The following MPHOSPH8 variants were observed in gnomAD, a reference collection of about 807,000 sequenced individuals.
MPHOSPH8 encodes the protein M-phase phosphoprotein 8.
A neutral mutation model predicts 87.3 loss-of-function variants in MPHOSPH8; 45 were observed. The ratio of observed to expected loss-of-function variants is 0.52; its 90% CI spans 0.41 to 0.66. The LOEUF is 0.66. Ranked by LOEUF, MPHOSPH8 falls within the 30% of genes least tolerant of loss-of-function variation. The pLI is 0.00. For missense variants in MPHOSPH8, 883 were observed against 1,020.2 expected (o/e 0.87, Z 1.83); for synonymous variants, 366 against 376.9 (o/e 0.97, Z 0.33).
chr13:19,655,613 G>C lies in MPHOSPH8; in HGVS notation c.1577-3382G>C, dbSNP rs1219439622. On this transcript the variant is annotated intron_variant, in intron 5 of 13. Coordinates refer to ENST00000361479, the MANE Select transcript of MPHOSPH8 (RefSeq NM_017520.4). ...TTCCCAGGCTGGTCTTGAACTCCTG[G>C]GTTCCAGTGATCCACTTGCCTCAGC... Among the ~76,000 whole-genome samples the C allele has an allele frequency of 3.3e-5, 5 of 152,234 alleles. No homozygotes were observed. In the East Asian group the frequency reaches 9.7e-4, roughly 29 times the overall value.
chr13:19,636,389 A>G (rs1303037616), intron 1 of MPHOSPH8, among the ~76,000 whole-genome samples: 1 of 152,254 alleles, frequency 6.6e-6, no homozygotes, highest in African/African-American at 2.4e-5. Context: ...AGAACTGTGG[A>G]AATACATACA....
chr13:19,633,908 G>A lies in MPHOSPH8; in HGVS notation c.160G>A (p.Asp54Asn). The change falls in exon 1 of 14, where the codon GAC becomes AAC. Residue 54 changes from aspartate to asparagine, a missense_variant. Physicochemically the swap from Asp to Asn is conservative, Grantham distance 23. Coordinates refer to ENST00000361479, the MANE Select transcript of MPHOSPH8 (RefSeq NM_017520.4). ...GGAGGCCTTTGGCGACAGTGAGGAG[G>A]ACGGAGAGGATGTGTTCGAGGTGGA... ...GAEAFGDSEE[D>N]GEDVFEVEKI... The A allele has an allele frequency of 6.2e-7, 1 of 1,611,790 alleles. No individual in the cohort carries two copies. The highest frequency in any genetic ancestry group is 1.3e-5 in the African/African-American group (1 of 75,048).
rs1287457517 is a variant in MPHOSPH8 at position 19,641,319 on chromosome 13, TA to T, written c.214-794del. On this transcript the variant is annotated intron_variant, in intron 1 of 13. Transcript: ENST00000361479. ...ACAGTTACATGCCACTGTGCCCAGC[TA>T]ATTTTTTTTTTTTTTTTTTTGAGAT... 7.2e-3 allele frequency among the ~76,000 whole-genome samples: 557 copies of T among 77,136 alleles called. 8 individuals carry two copies. The highest frequency in any genetic ancestry group is 0.026 in the African/African-American group (533 of 20,550). 50.6% of individuals were successfully genotyped at this position (77,136 alleles called of 152,430 possible).
chr13:19,642,610 A>G (rs774015118), intron 2 of MPHOSPH8, among the ~76,000 whole-genome samples: 1 of 151,854 alleles, frequency 6.6e-6, no homozygotes, highest in African/African-American at 2.4e-5. Flanking sequence ...TTGTATATTT[A>G]TTCTGCATTA....
At chr13:19,669,448 A>C (rs553033146) in intron 11 of MPHOSPH8, among the ~76,000 whole-genome samples, 3 of 151,298 alleles carry the variant, frequency 2.0e-5, no homozygotes, top group Non-Finnish European at 4.4e-5. Context: ...CTGAGCCCCC[A>C]CTGACACCTA....
chr13:19,635,268 T>TC (rs200737168), intron 1 of MPHOSPH8, among the ~76,000 whole-genome samples: 2,549 of 152,294 alleles, frequency 0.017, 67 homozygotes, highest in African/African-American at 0.057. Context: ...ATACCTGTAA[T>TC]CTAGCACTTT....
rs374639108 is a variant in MPHOSPH8 at position 19,641,561 on chromosome 13, T to C, written c.214-554T>C. ...GCTGGAGTGCAATGGCGTGTGATCT[T>C]GGCTCACTGCAACCTCTGCCTTCTG... is the stretch of plus-strand genomic sequence containing the variant. On this transcript the variant is annotated intron_variant, in intron 1 of 13. Transcript: ENST00000361479. 2.1e-4 allele frequency among the ~76,000 whole-genome samples: 31 copies of C among 147,008 alleles called. No individual in the cohort carries two copies. In the East Asian group the frequency reaches 5.2e-3, roughly 25 times the overall value.
At chr13:19,647,555 C>A (rs1874633458) in intron 3 of MPHOSPH8, among the ~76,000 whole-genome samples, 1 of 152,142 alleles carries the variant, frequency 6.6e-6, no homozygotes, top group African/African-American at 2.4e-5. Context: ...ATATATGGAG[C>A]ATTGTATACT....
chr13:19,664,621 G>C (rs991719208), intron 9 of MPHOSPH8, among the ~76,000 whole-genome samples: 1 of 152,230 alleles, frequency 6.6e-6, no homozygotes, highest in Non-Finnish European at 1.5e-5. Context: ...TGAAATAACA[G>C]AAGTCTGTAC....
In MPHOSPH8 at chr13:19,666,441, AT is replaced by A; in HGVS notation, c.2038del (p.Ser680GlnfsTer7). 1 of 1,608,538 alleles carries A rather than the reference AT, an allele frequency of 6.2e-7. No homozygotes were observed. Among genetic ancestry groups the A allele is most frequent in the Non-Finnish European group, 8.5e-7 (1 of 1,175,428 alleles). ...CTGACGTAGGCCTGTAAAAGAGGAA[AT>A]TCAGACATCGTACGACTCGTAATTG... ...TALMKACKRG[N>X]SDIVRLVIEC... On this transcript the variant is annotated frameshift_variant, in exon 10 of 14. Transcript: ENST00000361479. LOFTEE classifies it high-confidence loss of function.
At chr13:19,646,385 T>A (rs1874563156) in intron 2 of MPHOSPH8, 58 bp from the exon 3 acceptor site, 12 of 1,302,172 alleles carry the variant, frequency 9.2e-6, no homozygotes, top group Non-Finnish European at 1.2e-5. Context: ...GTACTACTTT[T>A]CAAAACCTTT....
At chr13:19,639,338 T>A (rs921245688) in intron 1 of MPHOSPH8, among the ~76,000 whole-genome samples, 2 of 151,300 alleles carry the variant, frequency 1.3e-5, no homozygotes, top group African/African-American at 4.9e-5. Context: ...TGAGATGGAA[T>A]CTTGCTCTGT....
intron 2 of MPHOSPH8, among the ~76,000 whole-genome samples, chr13:19,642,750 A>G (rs1026111109): frequency 6.6e-6 from 1 of 151,958 alleles, no homozygotes; most frequent in Admixed American, 6.6e-5. Context: ...AATGATTCTC[A>G]TGATTTTATA....
intron 8 of MPHOSPH8, 142 bp from the exon 9 acceptor site, chr13:19,662,898 C>T (rs1029195273): frequency 1.7e-5 from 12 of 702,946 alleles, no homozygotes; most frequent in Non-Finnish European, 2.9e-5. Context: ...ACCCCCGTGG[C>T]CCCACGGGAA....
At chr13:19,666,682 C>A in intron 10 of MPHOSPH8, 103 bp downstream of exon 10, 1 of 1,008,804 alleles carries the variant, frequency 9.9e-7, no homozygotes, top group Non-Finnish European at 1.4e-6. Flanking sequence ...CTCAGAAAAA[C>A]ATCCAGCACA....
Position 19,647,230 on chromosome 13 carries a change from C to G in MPHOSPH8, c.1157C>G (p.Pro386Arg). ...CTGATGCCTGTATCTGCCCAAACGC[C>G]AAAGGGCCGGAGGTTGAGCGGGGAA... ...EKLMPVSAQT[P>R]KGRRLSGEER... The change falls in exon 3 of 14, where the codon CCA (proline) becomes CGA (arginine). Residue 386 changes from proline to arginine, a missense_variant. Physicochemically the swap from Pro to Arg is moderately radical, Grantham distance 103. Around this residue, in one of 3 missense-constraint regions of MPHOSPH8, gnomAD observed 741 missense variants for 841.5 expected, o/e 0.88. Transcript: ENST00000361479. 6.2e-7 allele frequency: 1 copy of G among 1,614,008 alleles called. No homozygotes were observed. The highest frequency in any genetic ancestry group is 8.5e-7 in the Non-Finnish European group (1 of 1,179,990).
intron 1 of MPHOSPH8, among the ~76,000 whole-genome samples, chr13:19,638,100 C>CA (rs56291104): frequency 0.13 from 17,554 of 132,102 alleles, 1,144 homozygotes; most frequent in Middle Eastern, 0.24. Flanking sequence ...GACTCCATCT[C>CA]AAAAAAAAAA....
At chr13:19,659,163 G>T (rs1471747181) in intron 6 of MPHOSPH8, 38 bp from the exon 7 acceptor site, 1 of 1,609,918 alleles carries the variant, frequency 6.2e-7, no homozygotes, top group Middle Eastern at 1.7e-4. Flanking sequence ...CACAAATCTA[G>T]ATTTATAAAA....
At position 19,640,873 on chromosome 13, in the gene MPHOSPH8, G is replaced by A. The variant is rs544999865; in HGVS notation, c.214-1242G>A. Among the ~76,000 whole-genome samples the A allele has an allele frequency of 1.2e-4, 19 of 152,218 alleles. No individual in the cohort carries two copies. The East Asian group carries it at 3.7e-3, about 29-fold the overall frequency. On this transcript the variant is annotated intron_variant, in intron 1 of 13. Transcript: ENST00000361479. ...AATCTTAAGTCACTAAAGAGCGTTT[G>A]AAAAGTTATAACAAAAAGTGCTTGA...
Sources: allele counts gnomAD v4.1 joint callset (sites outside exome capture counted in the v4.1 genomes callset), GRCh38; gene constraint gnomAD v4.1.1; regional missense constraint gnomAD v4.1.1; transcripts MANE v1.5; gene names NCBI Gene and HGNC (gene_info 2026-07-23, HGNC 2026-07-21).